TIGD1: variants seen among roughly 807,000 people sequenced by gnomAD.
The protein encoded by TIGD1 is tigger transposable element derived 1, also known as tigger transposable element-derived protein 1.
TIGD1 carries 20 observed loss-of-function variants against 21.3 expected under a neutral mutation model. The observed-to-expected ratio is 0.94, with a 90% CI of 0.66 to 1.36. TIGD1 has a LOEUF of 1.36. Ranked by LOEUF, TIGD1 falls within the 40% of genes most tolerant of loss-of-function variation. TIGD1 has a pLI of 0.00. For synonymous variants in TIGD1, 177 were observed against 123.2 expected, an observed-to-expected ratio of 1.44 and a Z score of -2.89; for missense variants, 556 against 350.5, an observed-to-expected ratio of 1.59 and a Z score of -4.68.
rs1343140954 is a variant in TIGD1 at position 232,549,609 on chromosome 2, C to T, written c.274G>A (p.Asp92Asn). The T allele has an allele frequency of 4.3e-6, 3 of 691,770 alleles. No individual in the cohort carries two copies. Among genetic ancestry groups the T allele is most frequent in the African/African-American group, 3.5e-5 (2 of 57,126 alleles). The allele number at this position is 691,770 out of a possible 1,614,324, so 42.9% of individuals were successfully genotyped here. A position where few individuals can be genotyped will look rare whatever the true frequency, so the allele number is the denominator to read the frequency against. The part of the protein sequence containing the change: ...MEKVLVVWIE[D>N]QTSRNIPLSQ... ...AAGGGAATGTTGCGGCTGGTCTGAT[C>T]TTCTATCCAGACCACTAAAACCTTC... The change falls in exon 1 of 1, where the codon GAT becomes AAT. Residue 92 changes from aspartate to asparagine, a missense_variant. Transcript: ENST00000408957.
In TIGD1 at chr2:232,544,596, T is replaced by G. The variant is rs749476513; in HGVS notation, c.*3511A>C. ...GAGAAGCTAGGTGAGACACACCAGG[T>G]GTGCCTGGGGACAGTCCTCCCCTGG... On this transcript the variant is annotated 3_prime_UTR_variant, in exon 1 of 1. Coordinates refer to ENST00000408957, the MANE Select transcript of TIGD1 (RefSeq NM_145702.4). 3.5e-5 allele frequency: 56 copies of G among 1,606,406 alleles called. No homozygotes were observed. The Middle Eastern group carries it at 7.2e-4, about 21-fold the overall frequency.
In TIGD1 at chr2:232,545,313, C is replaced by T. The variant is rs1267162965; in HGVS notation, c.*2794G>A. Among the ~76,000 whole-genome samples the T allele has an allele frequency of 1.4e-5, 2 of 143,930 alleles. No individual in the cohort carries two copies. The highest frequency in any genetic ancestry group is 2.0e-4 in the East Asian group (1 of 4,912). 94.4% of individuals were successfully genotyped at this position (143,930 alleles called of 152,430 possible). A position where few individuals can be genotyped will look rare whatever the true frequency, so the allele number is the denominator to read the frequency against. ...GGTGAAAGAGTGAGACGTGAGACTC[C>T]GTCTCAAAAAAAAAAAAAAGGAAAG... On this transcript the variant is annotated 3_prime_UTR_variant, in exon 1 of 1. Transcript: ENST00000408957.
chr2:232,549,915 T>G lies in TIGD1; in HGVS notation c.-33A>C, dbSNP rs1692242714. On this transcript the variant is annotated 5_prime_UTR_variant, in exon 1 of 1. Coordinates refer to ENST00000408957, the MANE Select transcript of TIGD1 (RefSeq NM_145702.4). ...TCATTAATTCGCCTAATCTCAATAT[T>G]GTTGTGTCTCAGGGAATAGGGAGGC... The G allele has an allele frequency of 8.3e-7, 1 of 1,209,528 alleles. No homozygotes were observed. Among genetic ancestry groups the G allele is most frequent in the Non-Finnish European group, 1.1e-6 (1 of 873,908 alleles). 74.9% of individuals were successfully genotyped at this position (1,209,528 alleles called of 1,614,324 possible). A position where few individuals can be genotyped will look rare whatever the true frequency, so the allele number is the denominator to read the frequency against.
Position 232,548,354 on chromosome 2 carries a change from T to C in TIGD1, c.1529A>G (p.Asp510Gly). ...DKAAAGFERI[D>G]SNFERSSTVG... is the part of the protein sequence containing the mutation. ...AGTAGAGCTTCTTTCAAAATTGGAG[T>C]CAATCCTCTCAAACCCTGCTGCTGC... Residue 510 changes from aspartate to glycine, a missense_variant, in exon 1 of 1, where the codon GAC (aspartate) becomes GGC (glycine). Coordinates refer to ENST00000408957, the MANE Select transcript of TIGD1 (RefSeq NM_145702.4). 1 of 1,134,850 alleles carries C rather than the reference T, an allele frequency of 8.8e-7. No individual in the cohort carries two copies. Among genetic ancestry groups the C allele is most frequent in the South Asian group, 1.5e-5 (1 of 67,968 alleles). The allele number at this position is 1,134,850 out of a possible 1,614,324, so 70.3% of individuals were successfully genotyped here. A position where few individuals can be genotyped will look rare whatever the true frequency, so the allele number is the denominator to read the frequency against.
Position 232,544,817 on chromosome 2 carries a change from A to T in TIGD1, c.*3290T>A, listed in dbSNP as rs2106223157. 6.2e-7 allele frequency: 1 copy of T among 1,613,454 alleles called. No homozygotes were observed. Among genetic ancestry groups the T allele is most frequent in the South Asian group, 1.1e-5 (1 of 91,072 alleles). On this transcript the variant is annotated 3_prime_UTR_variant, in exon 1 of 1. Coordinates refer to ENST00000408957, the MANE Select transcript of TIGD1 (RefSeq NM_145702.4). ...CTGAGCCAGTTCTGTGGCAGCCTGAAGCAGGCTGCCCCAGCCATCCAGGCC... is the reference window on the plus strand; with the variant it reads ...CTGAGCCAGTTCTGTGGCAGCCTGATGCAGGCTGCCCCAGCCATCCAGGCC...
Position 232,550,355 on chromosome 2 carries a change from C to T in TIGD1, c.-473G>A. 2.4e-6 allele frequency: 1 copy of T among 414,968 alleles called. No individual in the cohort carries two copies. The highest frequency in any genetic ancestry group is 4.5e-6 in the Non-Finnish European group (1 of 222,626). The allele number at this position is 414,968 out of a possible 1,614,324, so 25.7% of individuals were successfully genotyped here. A position where few individuals can be genotyped will look rare whatever the true frequency, so the allele number is the denominator to read the frequency against. ...CAAAAGAGATACCAGAGAGTGCGTC[C>T]CGCACTGGAGGAAGAGGAAGGTTTT... On this transcript the variant is annotated 5_prime_UTR_variant, in exon 1 of 1. Transcript: ENST00000408957.
rs1692125402 is a variant in TIGD1, at chr2:232,545,933, A to G, written c.*2174T>C. The G allele has an allele frequency of 9.3e-6, 6 of 645,018 alleles. No homozygotes were observed. Among genetic ancestry groups the G allele is most frequent in the Admixed American group, 4.3e-5 (2 of 46,392 alleles). 40.0% of individuals were successfully genotyped at this position (645,018 alleles called of 1,614,324 possible). A position where few individuals can be genotyped will look rare whatever the true frequency, so the allele number is the denominator to read the frequency against. On this transcript the variant is annotated 3_prime_UTR_variant, in exon 1 of 1. Coordinates refer to ENST00000408957, the MANE Select transcript of TIGD1 (RefSeq NM_145702.4). ...CCGTGGCTAGTGTCCTGCTGCAGTCAGCACACACGTGGGATTGGCTAGCTC... is the reference window on the plus strand; with the variant it reads ...CCGTGGCTAGTGTCCTGCTGCAGTCGGCACACACGTGGGATTGGCTAGCTC...
chr2:232,548,091 T>TA lies in TIGD1; in HGVS notation c.*15dup, dbSNP rs1196992391. 13 of 634,468 alleles carry TA rather than the reference T, an allele frequency of 2.0e-5. No individual in the cohort carries two copies. Among genetic ancestry groups the TA allele is most frequent in the Non-Finnish European group, 2.9e-5 (11 of 380,218 alleles). The allele number at this position is 634,468 out of a possible 1,614,324, so 39.3% of individuals were successfully genotyped here. On this transcript the variant is annotated 3_prime_UTR_variant, in exon 1 of 1. Transcript: ENST00000408957. The stretch of plus-strand genomic sequence containing the variant: ...CCTAAATTTAAAAATACTTTATTGC[T>TA]AAAAAATGCTGATTATCAATCTGAG...
chr2:232,550,146 T>C lies in TIGD1; in HGVS notation c.-264A>G, dbSNP rs764187139. 2.6e-6 allele frequency: 1 copy of C among 387,500 alleles called. No homozygotes were observed. Among genetic ancestry groups the C allele is most frequent in the East Asian group, 4.3e-5 (1 of 23,170 alleles). The allele number at this position is 387,500 out of a possible 1,614,324, so 24.0% of individuals were successfully genotyped here. ...TTAAATATTTTGAGAATTACCAAAA[T>C]GTAACACAGAGACACCAAGTGAGCA... is the stretch of plus-strand genomic sequence containing the variant. On this transcript the variant is annotated 5_prime_UTR_variant, in exon 1 of 1. Coordinates refer to ENST00000408957, the MANE Select transcript of TIGD1 (RefSeq NM_145702.4).
In TIGD1 at chr2:232,545,920, T is replaced by C; in HGVS notation, c.*2187A>G. ...GGTTGGGGGTGGGCCGTGGCTAGTGTCCTGCTGCAGTCAGCACACACGTGG... is the reference window on the plus strand; with the variant it reads ...GGTTGGGGGTGGGCCGTGGCTAGTGCCCTGCTGCAGTCAGCACACACGTGG... On this transcript the variant is annotated 3_prime_UTR_variant, in exon 1 of 1. Coordinates refer to ENST00000408957, the MANE Select transcript of TIGD1 (RefSeq NM_145702.4). 1 of 667,368 alleles carries C rather than the reference T, an allele frequency of 1.5e-6. No individual in the cohort carries two copies. Among genetic ancestry groups the C allele is most frequent in the Non-Finnish European group, 2.7e-6 (1 of 372,136 alleles). 41.3% of individuals were successfully genotyped at this position (667,368 alleles called of 1,614,324 possible). A position where few individuals can be genotyped will look rare whatever the true frequency, so the allele number is the denominator to read the frequency against.
Position 232,548,213 on chromosome 2 carries a change from G to A in TIGD1, c.1670C>T (p.Pro557Leu), listed in dbSNP as rs753179710. 3 of 1,540,768 alleles carry A rather than the reference G, an allele frequency of 1.9e-6. No individual in the cohort carries two copies. Among genetic ancestry groups the A allele is most frequent in the East Asian group, 4.9e-5 (2 of 40,816 alleles). ...GGTGGTGGCTGCTGAAGGTTGGGGT[G>A]GCTGTGGCAATTTCCTAAAATAAGA... ...PMSYFRKLPQ[P>L]PQPSAATTLT... The change falls in exon 1 of 1, where the codon CCA (proline) becomes CTA (leucine). Residue 557 changes from proline to leucine, a missense_variant. Pro to Leu is a moderately conservative substitution (Grantham distance 98). Transcript: ENST00000408957.
At position 232,544,903 on chromosome 2, in the gene TIGD1, G is replaced by A. The variant is rs1272915380; in HGVS notation, c.*3204C>T. 1 of 1,613,992 alleles carries A rather than the reference G, an allele frequency of 6.2e-7. No individual in the cohort carries two copies. Among genetic ancestry groups the A allele is most frequent in the Admixed American group, 1.7e-5 (1 of 60,020 alleles). On this transcript the variant is annotated 3_prime_UTR_variant, in exon 1 of 1. Transcript: ENST00000408957. ...GCACCAGCAGAGTCACTTTGACAAT[G>A]TAAGCTGAGTCAGGGTGGGGTGGAG...
Position 232,550,475 on chromosome 2 carries a change from G to A in TIGD1, c.-593C>T, listed in dbSNP as rs754085513. 2.5e-5 allele frequency: 14 copies of A among 552,570 alleles called. No individual in the cohort carries two copies. The highest frequency in any genetic ancestry group is 3.2e-6 in the Non-Finnish European group (1 of 309,004). The allele number at this position is 552,570 out of a possible 1,614,324, so 34.2% of individuals were successfully genotyped here. On this transcript the variant is annotated 5_prime_UTR_variant, in exon 1 of 1. Transcript: ENST00000408957. Reference sequence around the variant, plus strand: ...GAGGGGGCCAGGACACGCTCCCTTAGGAGAGCGGGCGGGTCACAAGGACCT... The same window carrying A: ...GAGGGGGCCAGGACACGCTCCCTTAAGAGAGCGGGCGGGTCACAAGGACCT...
Position 232,545,794 on chromosome 2 carries a change from G to A in TIGD1, c.*2313C>T. The A allele has an allele frequency of 6.7e-7, 1 of 1,500,338 alleles. No individual in the cohort carries two copies. Among genetic ancestry groups the A allele is most frequent in the African/African-American group, 1.4e-5 (1 of 72,898 alleles). 92.9% of individuals were successfully genotyped at this position (1,500,338 alleles called of 1,614,324 possible). ...GTCTTATCAGCCACGTTCTCCTACT[G>A]AGGTCCTAAGTGTGCTCTTTGGGAA... On this transcript the variant is annotated 3_prime_UTR_variant, in exon 1 of 1. Coordinates refer to ENST00000408957, the MANE Select transcript of TIGD1 (RefSeq NM_145702.4).
At position 232,549,372 on chromosome 2, in the gene TIGD1, T is replaced by C. The variant is rs765737275; in HGVS notation, c.511A>G (p.Lys171Glu). ...GTGTAGCCACCTTCGTCAATGATCT[T>C]AGCTAAAGCTTCTGGATAACTTGCT... ...AAASYPEALA[K>E]IIDEGGYTKQ... Residue 171 changes from lysine to glutamate, a missense_variant, in exon 1 of 1, where the codon AAG becomes GAG. Lys to Glu is a moderately conservative substitution (Grantham distance 56, BLOSUM62 1). Transcript: ENST00000408957. 1.7e-5 allele frequency: 11 copies of C among 639,792 alleles called. No individual in the cohort carries two copies. The highest frequency in any genetic ancestry group is 4.2e-4 in the Middle Eastern group (1 of 2,380). 39.6% of individuals were successfully genotyped at this position (639,792 alleles called of 1,614,324 possible).
chr2:232,545,800 C>CTA lies in TIGD1; in HGVS notation c.*2305_*2306dup. 6.8e-7 allele frequency: 1 copy of CTA among 1,463,390 alleles called. No individual in the cohort carries two copies. Among genetic ancestry groups the CTA allele is most frequent in the Non-Finnish European group, 9.5e-7 (1 of 1,048,318 alleles). The allele number at this position is 1,463,390 out of a possible 1,614,324, so 90.7% of individuals were successfully genotyped here. On this transcript the variant is annotated 3_prime_UTR_variant, in exon 1 of 1. Coordinates refer to ENST00000408957, the MANE Select transcript of TIGD1 (RefSeq NM_145702.4). ...TCAGCCACGTTCTCCTACTGAGGTC[C>CTA]TAAGTGTGCTCTTTGGGAAGTGCCC...
Position 232,544,691 on chromosome 2 carries a change from T to A in TIGD1, c.*3416A>T. The A allele has an allele frequency of 2.5e-6, 4 of 1,581,698 alleles. No homozygotes were observed. Among genetic ancestry groups the A allele is most frequent in the Non-Finnish European group, 3.5e-6 (4 of 1,152,266 alleles). On this transcript the variant is annotated 3_prime_UTR_variant, in exon 1 of 1. Transcript: ENST00000408957. ...GTGCCCAGGTCAGGGAGAGAGGAGC[T>A]GGGGTCCCTAAGGAGAGGCCATCTT...
At position 232,544,903 on chromosome 2, in the gene TIGD1, G is replaced by GT; in HGVS notation, c.*3203dup. On this transcript the variant is annotated 3_prime_UTR_variant, in exon 1 of 1. Transcript: ENST00000408957. ...GCACCAGCAGAGTCACTTTGACAATGTAAGCTGAGTCAGGGTGGGGTGGAG... is the reference window on the plus strand; with the variant it reads ...GCACCAGCAGAGTCACTTTGACAATGTTAAGCTGAGTCAGGGTGGGGTGGAG... 1 of 1,613,992 alleles carries GT rather than the reference G, an allele frequency of 6.2e-7. No homozygotes were observed. Among genetic ancestry groups the GT allele is most frequent in the Non-Finnish European group, 8.5e-7 (1 of 1,180,026 alleles).
rs560846230 is a variant in TIGD1, at chr2:232,545,997, C to T, written c.*2110G>A. ...CCACCCCTCCACTCAGTGCACTCCC[C>T]TCACTTAGGCAAAGCATTATTCATT... On this transcript the variant is annotated 3_prime_UTR_variant, in exon 1 of 1. Coordinates refer to ENST00000408957, the MANE Select transcript of TIGD1 (RefSeq NM_145702.4). 1 of 554,142 alleles carries T rather than the reference C, an allele frequency of 1.8e-6. No individual in the cohort carries two copies. Among genetic ancestry groups the T allele is most frequent in the East Asian group, 3.2e-5 (1 of 31,118 alleles). 34.3% of individuals were successfully genotyped at this position (554,142 alleles called of 1,614,324 possible).
Sources: allele counts gnomAD v4.1 joint callset (sites outside exome capture counted in the v4.1 genomes callset), GRCh38; gene constraint gnomAD v4.1.1; transcripts MANE v1.5; gene names NCBI Gene and HGNC (gene_info 2026-07-23, HGNC 2026-07-21).